Variants in DLG2 observed in about 807,000 individuals in gnomAD.
DLG2 encodes the protein discs large MAGUK scaffold protein 2, also known as disks large homolog 2.
DLG2 carries 45 observed loss-of-function variants against 132.5 expected under a neutral mutation model. The observed-to-expected ratio is 0.34, with a 90% CI of 0.27 to 0.44. The LOEUF is 0.44. DLG2 is among the 20% of genes least tolerant of loss of function. DLG2 has a pLI of 1.00. For synonymous variants in DLG2, 424 were observed against 419.6 expected (o/e 1.01, Z -0.13); for missense variants, 1,045 against 1,196.9 (o/e 0.87, Z 1.87).
intron 3 of DLG2, among the ~76,000 whole-genome samples, chr11:85,593,245 A>G (rs1400288720): frequency 6.6e-6 from 1 of 152,234 alleles, no homozygotes; most frequent in Non-Finnish European, 1.5e-5. Context: ...TATTCTCCCA[A>G]GTTTAGTAAT....
chr11:85,600,612 T>C (rs1243080895), intron 2 of DLG2, among the ~76,000 whole-genome samples: 2 of 152,242 alleles, frequency 1.3e-5, no homozygotes, highest in Admixed American at 6.5e-5. Context: ...TACCAAATTC[T>C]TGTATTCATA....
chr11:84,498,651 A>T (rs1335175057), intron 7 of DLG2, among the ~76,000 whole-genome samples: 1 of 152,206 alleles, frequency 6.6e-6, no homozygotes, highest in African/African-American at 2.4e-5. Flanking sequence ...AAGAAACCCT[A>T]CTTTAAAAAA....
At chr11:85,471,985 T>C (rs117362729) in intron 3 of DLG2, among the ~76,000 whole-genome samples, 69 of 152,176 alleles carry the variant, frequency 4.5e-4, no homozygotes, top group Non-Finnish European at 7.9e-4. Context: ...ATCTACAAAA[T>C]TGATCACAGC....
At chr11:84,504,649 A>T (rs944706850) in intron 7 of DLG2, among the ~76,000 whole-genome samples, 2 of 151,762 alleles carry the variant, frequency 1.3e-5, no homozygotes, top group African/African-American at 2.4e-5. Context: ...TTTTCTAGGC[A>T]TTTAAACTAA....
At chr11:84,568,536 C>G (rs943676193) in intron 6 of DLG2, among the ~76,000 whole-genome samples, 6 of 151,986 alleles carry the variant, frequency 3.9e-5, no homozygotes, top group African/African-American at 1.4e-4. Context: ...TAAGAGGCAG[C>G]CAACCTGTAA....
chr11:84,574,792 C>G (rs192660573), intron 6 of DLG2, among the ~76,000 whole-genome samples: 1 of 152,130 alleles, frequency 6.6e-6, no homozygotes, highest in Non-Finnish European at 1.5e-5. Context: ...GCTCTTGCTC[C>G]TTTGTTGCCT....
At chr11:84,051,581 A>C (rs1238398418) in intron 11 of DLG2, among the ~76,000 whole-genome samples, 4 of 138,060 alleles carry the variant, frequency 2.9e-5, no homozygotes, top group Non-Finnish European at 6.2e-5. Context: ...CAATGAGAAC[A>C]CATGGATACA....
intron 9 of DLG2, among the ~76,000 whole-genome samples, chr11:84,162,936 G>A (rs191309811): frequency 6.6e-6 from 1 of 152,140 alleles, no homozygotes; most frequent in African/African-American, 2.4e-5. Flanking sequence ...TTAGGGTTGT[G>A]TTGCACAGTT....
intron 21 of DLG2, among the ~76,000 whole-genome samples, chr11:83,518,265 T>G (rs1257764510): frequency 1.3e-5 from 2 of 152,198 alleles, no homozygotes; most frequent in African/African-American, 4.8e-5. Flanking sequence ...CAGTTTGATC[T>G]CAGACTGCTG....
At chr11:85,476,080 C>T (rs1246754783) in intron 3 of DLG2, among the ~76,000 whole-genome samples, 1 of 152,068 alleles carries the variant, frequency 6.6e-6, no homozygotes, top group Non-Finnish European at 1.5e-5. Context: ...CTTACACAAA[C>T]CTAGATGGTA....
chr11:84,746,778 T>C (rs990980135), intron 6 of DLG2, among the ~76,000 whole-genome samples: 3 of 152,202 alleles, frequency 2.0e-5, no homozygotes, highest in Non-Finnish European at 4.4e-5. Flanking sequence ...AAGGTCATTA[T>C]TCTAAAGAGT....
intron 3 of DLG2, among the ~76,000 whole-genome samples, chr11:85,542,967 G>A (rs905645387): frequency 6.6e-6 from 1 of 152,238 alleles, no homozygotes; most frequent in East Asian, 1.9e-4. Context: ...CTGTTGCTAG[G>A]TGTAGCTATA....
intron 7 of DLG2, among the ~76,000 whole-genome samples, chr11:84,276,044 C>G (rs1174728607): frequency 6.6e-6 from 1 of 152,076 alleles, no homozygotes; most frequent in South Asian, 2.1e-4. Flanking sequence ...TCAATGATTA[C>G]CCAGCTTAAA....
At chr11:84,045,136 T>C (rs1170228618) in intron 11 of DLG2, among the ~76,000 whole-genome samples, 4 of 151,828 alleles carry the variant, frequency 2.6e-5, no homozygotes, top group African/African-American at 9.7e-5. Context: ...TAAAAAACTT[T>C]CCCTAAGGAC....
At chr11:83,521,366 G>A (rs1007834995) in intron 21 of DLG2, among the ~76,000 whole-genome samples, 3 of 152,140 alleles carry the variant, frequency 2.0e-5, no homozygotes, top group East Asian at 1.9e-4. Flanking sequence ...TCTAAAATTA[G>A]TTTCAATTTT....
At chr11:85,059,607 A>G (rs924440058) in intron 6 of DLG2, among the ~76,000 whole-genome samples, 5 of 151,704 alleles carry the variant, frequency 3.3e-5, no homozygotes, top group Non-Finnish European at 5.9e-5. Context: ...TCCAAAAGAC[A>G]AACTGCAACA....
At chr11:85,141,339 A>T (rs561673164) in intron 5 of DLG2, among the ~76,000 whole-genome samples, 1 of 151,832 alleles carries the variant, frequency 6.6e-6, no homozygotes, top group Admixed American at 6.6e-5. Flanking sequence ...TATTTTTCAT[A>T]TATCTATTGG....
At chr11:83,952,669 A>C (rs912622446) in intron 14 of DLG2, among the ~76,000 whole-genome samples, 1 of 145,304 alleles carries the variant, frequency 6.9e-6, no homozygotes, top group African/African-American at 2.5e-5. Flanking sequence ...AATTCTCAAG[A>C]TATAATGCTA....
At chr11:84,052,276 T>A (rs116474451) in intron 11 of DLG2, among the ~76,000 whole-genome samples, 2,508 of 151,924 alleles carry the variant, frequency 0.017, 72 homozygotes, top group African/African-American at 0.056. Flanking sequence ...ACACATAACA[T>A]AAATATATTT....
Sources: gnomAD v4.1 joint callset for allele counts (sites outside exome capture counted in the v4.1 genomes callset) on GRCh38, gnomAD v4.1.1 for gene constraint, MANE v1.5 for transcripts, NCBI Gene and HGNC (gene_info 2026-07-23, HGNC 2026-07-21) for gene names.